Variants in AKAP6 observed in about 807,000 individuals in gnomAD.
AKAP6 encodes the protein A-kinase anchoring protein 6.
Under a neutral mutation model 188.5 loss-of-function variants are expected in AKAP6, and 58 were observed. The ratio of observed to expected loss-of-function variants is 0.31; its 90% CI spans 0.25 to 0.38. The LOEUF is 0.38. AKAP6 is among the 10% of genes least tolerant of loss of function. The pLI is 1.00. For synonymous variants in AKAP6, 989 were observed against 998.6 expected (o/e 0.99, Z 0.18); for missense variants, 2,710 against 2,740.0 (o/e 0.99, Z 0.24).
chr14:32,425,735 T>G (rs1235915580), intron 1 of AKAP6, among the ~76,000 whole-genome samples: 2 of 152,226 alleles, frequency 1.3e-5, no homozygotes, highest in Non-Finnish European at 2.9e-5. Context: ...TTCTTATAGA[T>G]GCTGGATAGT....
At chr14:32,684,022 G>A (rs1395696922) in intron 8 of AKAP6, among the ~76,000 whole-genome samples, 1 of 152,230 alleles carries the variant, frequency 6.6e-6, no homozygotes, top group African/African-American at 2.4e-5. Context: ...GGAGACAGAT[G>A]TGGCATTCAC....
In AKAP6 at chr14:32,821,538, T is replaced by C; in HGVS notation, c.3725T>C (p.Leu1242Pro). 1 of 1,613,768 alleles carries C rather than the reference T, an allele frequency of 6.2e-7. No individual in the cohort carries two copies. The highest frequency in any genetic ancestry group is 8.5e-7 in the Non-Finnish European group (1 of 1,179,832). The change falls in exon 13 of 14, where the codon CTC becomes CCC. Residue 1242 changes from leucine (L) to proline (P), a missense_variant. Transcript: ENST00000280979. ...GAATCAAATGACCTTGATCAAGAAC[T>C]CCAACCTGTTATCCCTTCCTTGAAG... ...NEESNDLDQE[L>P]QPVIPSLKLG... is the part of the protein sequence containing the mutation.
At chr14:32,361,392 C>G (rs1887661150) in intron 1 of AKAP6, among the ~76,000 whole-genome samples, 1 of 151,990 alleles carries the variant, frequency 6.6e-6, no homozygotes, top group African/African-American at 2.4e-5. Flanking sequence ...AGAGCACATG[C>G]AAAGGCATGG....
At position 32,830,147 on chromosome 14, in the gene AKAP6, C is replaced by A. The variant is rs1050529521; in HGVS notation, c.*342C>A. 10 of 579,918 alleles carry A rather than the reference C, an allele frequency of 1.7e-5. No individual in the cohort carries two copies. Among genetic ancestry groups the A allele is most frequent in the Non-Finnish European group, 3.1e-5 (10 of 327,080 alleles). 35.9% of individuals were successfully genotyped at this position (579,918 alleles called of 1,614,324 possible). A position where few individuals can be genotyped will look rare whatever the true frequency, so the allele number is the denominator to read the frequency against. On this transcript the variant is annotated 3_prime_UTR_variant, in exon 14 of 14. Coordinates refer to ENST00000280979, the MANE Select transcript of AKAP6 (RefSeq NM_004274.5). ...TCTTTGCCTCCTCCCTTCCCTTCCACTCTTTAAAGTTCTGCAGTTCACCAA... is the reference window on the plus strand; with the variant it reads ...TCTTTGCCTCCTCCCTTCCCTTCCAATCTTTAAAGTTCTGCAGTTCACCAA...
At chr14:32,373,092 T>C (rs547133025) in intron 1 of AKAP6, among the ~76,000 whole-genome samples, 17 of 150,212 alleles carry the variant, frequency 1.1e-4, no homozygotes, top group African/African-American at 3.9e-4. Context: ...AATTTATGGC[T>C]TTTTTGGGGG....
At chr14:32,510,561 T>C (rs1422970266) in intron 2 of AKAP6, among the ~76,000 whole-genome samples, 5 of 149,864 alleles carry the variant, frequency 3.3e-5, no homozygotes, top group Admixed American at 6.7e-5. Context: ...TTTCTCTGTA[T>C]ACTTGTTTTT....
intron 1 of AKAP6, among the ~76,000 whole-genome samples, chr14:32,401,278 G>A (rs914221132): frequency 1.3e-5 from 2 of 152,096 alleles, no homozygotes; most frequent in African/African-American, 4.8e-5. Flanking sequence ...ATTAAAAATT[G>A]AAATGAGTCA....
chr14:32,548,420 A>T lies in AKAP6; in HGVS notation c.2346+1421A>T, dbSNP rs1336969251. 4.5e-4 allele frequency among the ~76,000 whole-genome samples: 62 copies of T among 136,540 alleles called. 1 individual carries two copies. Among genetic ancestry groups the T allele is most frequent in the South Asian group, 9.0e-4 (4 of 4,452 alleles). 89.6% of individuals were successfully genotyped at this position (136,540 alleles called of 152,430 possible). On this transcript the variant is annotated intron_variant, in intron 4 of 13. Transcript: ENST00000280979. ...CGTGGCCCATACATTTTTTTTTTTT[A>T]CTTGATCTTCACAGCTGTCCTGTGA...
chr14:32,419,255 CA>C (rs1436342437), intron 1 of AKAP6, among the ~76,000 whole-genome samples: 14 of 152,174 alleles, frequency 9.2e-5, no homozygotes, highest in African/African-American at 3.4e-4. Context: ...TGGATATTAA[CA>C]GCCCTTGCTA....
intron 7 of AKAP6, among the ~76,000 whole-genome samples, chr14:32,654,552 T>C (rs1008563545): frequency 6.6e-6 from 1 of 151,820 alleles, no homozygotes; most frequent in African/African-American, 2.4e-5. Context: ...TGTACACAAT[T>C]AGAAATATTA....
At chr14:32,367,720 A>G (rs1887877774) in intron 1 of AKAP6, among the ~76,000 whole-genome samples, 1 of 152,180 alleles carries the variant, frequency 6.6e-6, no homozygotes, top group Non-Finnish European at 1.5e-5. Flanking sequence ...GACATGTGGA[A>G]TGGGGACAGG....
At chr14:32,639,236 G>A (rs1887654561) in intron 7 of AKAP6, among the ~76,000 whole-genome samples, 1 of 152,254 alleles carries the variant, frequency 6.6e-6, no homozygotes, top group Non-Finnish European at 1.5e-5. Flanking sequence ...ATGAATGTAC[G>A]TGAACTTATG....
chr14:32,598,825 A>T (rs572802363), intron 5 of AKAP6, among the ~76,000 whole-genome samples: 23 of 152,194 alleles, frequency 1.5e-4, no homozygotes, highest in African/African-American at 5.1e-4. Context: ...TGCTTGATGT[A>T]TTTGTTTACA....
At chr14:32,470,404 A>C (rs565435500) in intron 2 of AKAP6, among the ~76,000 whole-genome samples, 24 of 152,322 alleles carry the variant, frequency 1.6e-4, no homozygotes, top group African/African-American at 5.8e-4. Context: ...ACAAGTTTGA[A>C]TTTACAGTAT....
rs1393544887 is a variant in AKAP6, at chr14:32,353,227, C to A, written c.-35+23819C>A. Among the ~76,000 whole-genome samples, 4 of 152,252 alleles carry A rather than the reference C, an allele frequency of 2.6e-5. No homozygotes were observed. In the East Asian group the frequency reaches 7.7e-4, roughly 29 times the overall value. ...AAATTGGTACACCCTTCTTTACCTC[C>A]TTTCTCTGGGTTTTATAGAAAGAGG... On this transcript the variant is annotated intron_variant, in intron 1 of 13. Transcript: ENST00000280979.
At position 32,634,022 on chromosome 14, in the gene AKAP6, A is replaced by G. The variant is rs180899313; in HGVS notation, c.2730+33230A>G. On this transcript the variant is annotated intron_variant, in intron 7 of 13. Transcript: ENST00000280979. ...CAAACTTATTTTCTGTTTTTACTCC[A>G]CACAGCCTCCATCACTAGTTGAGCC... 4.1e-3 allele frequency among the ~76,000 whole-genome samples: 622 copies of G among 152,172 alleles called. 5 individuals are homozygous for G. The highest frequency in any genetic ancestry group is 5.9e-3 in the Non-Finnish European group (400 of 67,966).
chr14:32,397,152 A>G (rs1281867821), intron 1 of AKAP6, among the ~76,000 whole-genome samples: 1 of 152,154 alleles, frequency 6.6e-6, no homozygotes, highest in African/African-American at 2.4e-5. Flanking sequence ...AAGTTCCACA[A>G]TGGTGCTGTT....
intron 5 of AKAP6, among the ~76,000 whole-genome samples, chr14:32,579,060 A>G (rs1884853550): frequency 6.6e-6 from 1 of 152,188 alleles, no homozygotes; most frequent in African/African-American, 2.4e-5. Flanking sequence ...GGCTAATGCA[A>G]CTGAAGAAAT....
chr14:32,453,245 A>G (rs1380533245), intron 2 of AKAP6, among the ~76,000 whole-genome samples: 1 of 152,246 alleles, frequency 6.6e-6, no homozygotes, highest in Non-Finnish European at 1.5e-5. Flanking sequence ...ATGAGAAAGC[A>G]GAGGCCCCGA....
Sources: allele counts gnomAD v4.1 joint callset (sites outside exome capture counted in the v4.1 genomes callset), GRCh38; gene constraint gnomAD v4.1.1; transcripts MANE v1.5; gene names NCBI Gene and HGNC (gene_info 2026-07-23, HGNC 2026-07-21).